Variants in VAT1L observed in about 807,000 individuals in gnomAD.
VAT1L encodes the protein vesicle amine transport 1 like, also known as putative NADPH-dependent quinone oxidoreductase VAT1L.
A neutral mutation model predicts 44.1 loss-of-function variants in VAT1L; 34 were observed. The observed-to-expected ratio is 0.77, with a 90% CI of 0.59 to 1.03. The LOEUF is 1.03. VAT1L is among the 50% of genes least tolerant of loss of function. The pLI, the probability that VAT1L is intolerant of heterozygous loss-of-function variation, is 0.00. For missense variants in VAT1L, 615 were observed against 538.8 expected (o/e 1.14, Z -1.40); for synonymous variants, 253 against 202.2 (o/e 1.25, Z -2.13).
At chr16:77,943,167 C>T (rs1269415770) in intron 7 of VAT1L, among the ~76,000 whole-genome samples, 1 of 149,888 alleles carries the variant, frequency 6.7e-6, no homozygotes, top group Non-Finnish European at 1.5e-5. Context: ...AGCGATTCTC[C>T]TGCCTCAGCC....
intron 3 of VAT1L, 65 bp downstream of exon 3, chr16:77,825,526 C>G: frequency 6.6e-7 from 1 of 1,519,020 alleles, no homozygotes; most frequent in East Asian, 2.5e-5. Context: ...GTGACACCCC[C>G]CTGAGGTCTT....
intron 7 of VAT1L, among the ~76,000 whole-genome samples, chr16:77,968,255 A>G (rs1293271854): frequency 6.6e-6 from 1 of 152,116 alleles, no homozygotes; most frequent in East Asian, 1.9e-4. Flanking sequence ...ACCCCAAGAC[A>G]GGGCTCTTGG....
At chr16:77,871,613 TGA>T in intron 4 of VAT1L, among the ~76,000 whole-genome samples, 1 of 151,952 alleles carries the variant, frequency 6.6e-6, no homozygotes, top group East Asian at 1.9e-4. Context: ...GGCCCAGGGG[TGA>T]GTCACCTGAC....
At chr16:77,866,785 T>G (rs567686101) in intron 4 of VAT1L, among the ~76,000 whole-genome samples, 12 of 152,248 alleles carry the variant, frequency 7.9e-5, no homozygotes, top group African/African-American at 2.9e-4. Flanking sequence ...TCTCTCTCTT[T>G]AGGAGGAGAG....
chr16:77,957,293 A>C (rs1470376613), intron 7 of VAT1L, among the ~76,000 whole-genome samples: 1 of 152,212 alleles, frequency 6.6e-6, no homozygotes. Context: ...CCAATCTATG[A>C]GTAAATAAAA....
intron 7 of VAT1L, among the ~76,000 whole-genome samples, chr16:77,954,296 G>C (rs1378484183): frequency 6.6e-6 from 1 of 152,162 alleles, no homozygotes; most frequent in East Asian, 1.9e-4. Flanking sequence ...GGATATTTAA[G>C]TCAAGTGTTA....
intron 1 of VAT1L, among the ~76,000 whole-genome samples, chr16:77,816,174 G>A (rs961892989): frequency 6.6e-6 from 1 of 151,960 alleles, no homozygotes; most frequent in African/African-American, 2.4e-5. Context: ...TGATGACTTT[G>A]ATATATTTTA....
intron 7 of VAT1L, among the ~76,000 whole-genome samples, chr16:77,944,169 C>G (rs189332273): frequency 6.6e-6 from 1 of 152,062 alleles, no homozygotes; most frequent in Admixed American, 6.6e-5. Flanking sequence ...TCTCAAGATA[C>G]ACAGGATAGC....
At chr16:77,940,579 G>A (rs906247687) in intron 7 of VAT1L, among the ~76,000 whole-genome samples, 12 of 151,986 alleles carry the variant, frequency 7.9e-5, no homozygotes, top group Admixed American at 2.6e-4. Context: ...TCCTGACCAC[G>A]TGATCCGCCC....
Position 77,816,921 on chromosome 16 carries a change from T to C in VAT1L, c.234T>C (p.Cys78=), listed in dbSNP as rs768067124. Residue 78 remains cysteine, a splice_region_variant and synonymous_variant, in exon 2 of 9, where the codon TGT becomes TGC. Coordinates refer to ENST00000302536, the MANE Select transcript of VAT1L (RefSeq NM_020927.3). ...DGELKIRVKA[C]GLNFIDLMVR... ...CTCCTTTCACATTTGCTCTTTACAGTGGATTAAACTTCATTGACTTGATGG... is the reference window on the plus strand; with the variant it reads ...CTCCTTTCACATTTGCTCTTTACAGCGGATTAAACTTCATTGACTTGATGG... 2 of 1,611,558 alleles carry C rather than the reference T, an allele frequency of 1.2e-6. No individual in the cohort carries two copies. Among genetic ancestry groups the C allele is most frequent in the South Asian group, 1.1e-5 (1 of 90,430 alleles).
chr16:77,794,020 C>A (rs897521677), intron 1 of VAT1L, among the ~76,000 whole-genome samples: 1 of 152,170 alleles, frequency 6.6e-6, no homozygotes, highest in Non-Finnish European at 1.5e-5. Flanking sequence ...ACATCAGGAT[C>A]ACAGACTGCT....
At chr16:77,842,534 T>G (rs907565653) in intron 3 of VAT1L, among the ~76,000 whole-genome samples, 1 of 152,158 alleles carries the variant, frequency 6.6e-6, no homozygotes, top group African/African-American at 2.4e-5. Flanking sequence ...GCAGAGTTCT[T>G]AAATAGGAGT....
At chr16:77,833,252 A>T (rs2016599894) in intron 3 of VAT1L, among the ~76,000 whole-genome samples, 1 of 152,204 alleles carries the variant, frequency 6.6e-6, no homozygotes, top group Admixed American at 6.5e-5. Flanking sequence ...GGGCGTATAA[A>T]TCAAATAGTC....
intron 3 of VAT1L, among the ~76,000 whole-genome samples, chr16:77,841,895 C>A (rs2016709859): frequency 6.7e-6 from 1 of 148,408 alleles, no homozygotes; most frequent in Non-Finnish European, 1.5e-5. Flanking sequence ...TTTTCTTTTT[C>A]TTTTTTTTTT....
intron 3 of VAT1L, among the ~76,000 whole-genome samples, chr16:77,844,290 C>G (rs1005856872): frequency 9.2e-5 from 14 of 152,166 alleles, no homozygotes; most frequent in Non-Finnish European, 4.4e-5. Flanking sequence ...TATAGTATAA[C>G]AGCTTGTGTA....
rs983260235 is a variant in VAT1L, at chr16:77,906,317, G to T, written c.1077+21515G>T. On this transcript the variant is annotated intron_variant, in intron 7 of 8. Coordinates refer to ENST00000302536, the MANE Select transcript of VAT1L (RefSeq NM_020927.3). ...TCCTTTGGAAGCAAAACATCACCAG[G>T]TCTGGGGAAAACCAGGCAAAGCTTC... Among the ~76,000 whole-genome samples, 7 of 152,280 alleles carry T rather than the reference G, an allele frequency of 4.6e-5. No homozygotes were observed. In the South Asian group the frequency reaches 1.4e-3, roughly 32 times the overall value.
intron 4 of VAT1L, among the ~76,000 whole-genome samples, chr16:77,870,206 A>G (rs2017016924): frequency 6.6e-6 from 1 of 152,200 alleles, no homozygotes; most frequent in African/African-American, 2.4e-5. Context: ...TAGAGTAGGC[A>G]TTGTGTCCAG....
At chr16:77,946,247 C>G (rs541511150) in intron 7 of VAT1L, among the ~76,000 whole-genome samples, 78 of 146,022 alleles carry the variant, frequency 5.3e-4, no homozygotes, top group Non-Finnish European at 9.7e-4. Flanking sequence ...TACTCAACCA[C>G]TCTCCTGTTC....
chr16:77,844,655 C>T (rs896832799), intron 3 of VAT1L, among the ~76,000 whole-genome samples: 4 of 152,020 alleles, frequency 2.6e-5, no homozygotes, highest in East Asian at 1.9e-4. Context: ...GTGATCCAGC[C>T]GTCTTAGCGT....
Sources: allele counts gnomAD v4.1 joint callset (sites outside exome capture counted in the v4.1 genomes callset), GRCh38; gene constraint gnomAD v4.1.1; transcripts MANE v1.5; gene names NCBI Gene and HGNC (gene_info 2026-07-23, HGNC 2026-07-21).